Variants in PCDHA8 observed in about 807,000 individuals in gnomAD.
PCDHA8 encodes protocadherin alpha 8, also known as protocadherin alpha-8.
In PCDHA8, 53 loss-of-function variants were observed where a neutral mutation model predicts 61.8. The ratio of observed to expected loss-of-function variants is 0.86; its 90% CI spans 0.69 to 1.08. PCDHA8 has a LOEUF of 1.08. PCDHA8 is among the 50% of genes least tolerant of loss of function. The probability of loss-of-function intolerance (pLI) is 0.00; values close to 1 mark genes in which losing one functional copy is unlikely to be tolerated. For synonymous variants in PCDHA8, 618 were observed against 556.6 expected, an observed-to-expected ratio of 1.11 and a Z score of -1.55; for missense variants, 1,293 against 1,245.0, an observed-to-expected ratio of 1.04 and a Z score of -0.58.
intron 1 of PCDHA8, chr5:140,881,486 T>G: frequency 2.8e-6 from 1 of 355,652 alleles, no homozygotes; most frequent in African/African-American, 2.2e-5. Flanking sequence ...ATTATTGTGT[T>G]TATGCACATA....
intron 1 of PCDHA8, among the ~76,000 whole-genome samples, chr5:140,909,493 G>T (rs989826667): frequency 6.6e-6 from 1 of 152,184 alleles, no homozygotes; most frequent in African/African-American, 2.4e-5. Context: ...AGAGCTGAAC[G>T]GGGATGTGGT....
intron 1 of PCDHA8, chr5:140,863,365 G>A (rs2047972870): frequency 2.5e-6 from 3 of 1,201,540 alleles, no homozygotes; most frequent in South Asian, 2.4e-5. Flanking sequence ...GCGGTGCTTG[G>A]CGCAGCTCAC....
intron 1 of PCDHA8, chr5:140,862,812 C>G (rs782335970): frequency 1.7e-6 from 1 of 572,078 alleles, no homozygotes; most frequent in Non-Finnish European, 3.4e-6. Context: ...TGCTGCAGTT[C>G]TAGGTGAGAG....
At chr5:140,949,167 T>C (rs2094348737) in intron 1 of PCDHA8, among the ~76,000 whole-genome samples, 1 of 151,798 alleles carries the variant, frequency 6.6e-6, no homozygotes, top group Admixed American at 6.6e-5. Flanking sequence ...AATTCTCTTT[T>C]GGTCAGAGAA....
chr5:140,847,536 G>C (rs1162683759), intron 1 of PCDHA8: 1 of 149,444 alleles, frequency 6.7e-6, no homozygotes, highest in Non-Finnish European at 1.5e-5. Context: ...AGAATCTCAA[G>C]CATAGCTTTA....
In PCDHA8 at chr5:140,858,048, C is replaced by G. The variant is rs1203574330; in HGVS notation, c.2394+14333C>G. 9.4e-6 allele frequency: 15 copies of G among 1,597,302 alleles called. 2 individuals carry two copies. Among genetic ancestry groups the G allele is most frequent in the Non-Finnish European group, 1.2e-5 (14 of 1,167,436 alleles). On this transcript the variant is annotated intron_variant, in intron 1 of 3. Transcript: ENST00000531613. ...ACGGCCACGGCCACTGTGCTTGTGT[C>G]GCTTGTGGAGGGCAGCCAGGCACCC...
intron 3 of PCDHA8, among the ~76,000 whole-genome samples, chr5:140,984,789 A>G (rs2097121266): frequency 6.6e-6 from 1 of 152,202 alleles, no homozygotes; most frequent in African/African-American, 2.4e-5. Context: ...GGGTGAGCAT[A>G]GACAAACTGC....
chr5:140,968,511 C>T, intron 1 of PCDHA8: 2 of 1,614,198 alleles, frequency 1.2e-6, no homozygotes, highest in Non-Finnish European at 1.7e-6. Context: ...ATTCTGTACC[C>T]TACCTCAACC....
chr5:140,863,171 C>T (rs782749533), intron 1 of PCDHA8: 11 of 696,670 alleles, frequency 1.6e-5, no homozygotes, highest in Non-Finnish European at 2.8e-5. Flanking sequence ...CTGGCGCTGA[C>T]TGCCACCGTC....
At chr5:140,944,219 A>G (rs191111426) in intron 1 of PCDHA8, among the ~76,000 whole-genome samples, 202 of 152,176 alleles carry the variant, frequency 1.3e-3, no homozygotes, top group Non-Finnish European at 2.3e-3. Context: ...AGAGGGTTTT[A>G]CTCTGTCGCT....
intron 3 of PCDHA8, among the ~76,000 whole-genome samples, chr5:140,995,400 C>T (rs2097681723): frequency 6.6e-6 from 1 of 152,062 alleles, no homozygotes; most frequent in Admixed American, 6.6e-5. Flanking sequence ...CGGGATGGCT[C>T]GAGATTTCAT....
chr5:140,961,599 G>A (rs1012408317), intron 1 of PCDHA8, among the ~76,000 whole-genome samples: 3 of 152,062 alleles, frequency 2.0e-5, no homozygotes, highest in Non-Finnish European at 4.4e-5. Flanking sequence ...AATGATTCTA[G>A]TAAATGAAAC....
intron 1 of PCDHA8, chr5:140,966,244 G>C (rs1302762597): frequency 3.2e-6 from 1 of 315,708 alleles, no homozygotes; most frequent in Non-Finnish European, 5.7e-6. Context: ...CGTTAAGCAG[G>C]GGAGAGACGG....
At chr5:140,863,090 C>G (rs782806970) in intron 1 of PCDHA8, 1 of 575,070 alleles carries the variant, frequency 1.7e-6, no homozygotes, top group African/African-American at 1.9e-5. Flanking sequence ...GAGATCAGCA[C>G]GACGAGTACC....
intron 1 of PCDHA8, among the ~76,000 whole-genome samples, chr5:140,892,929 C>T (rs1259333006): frequency 2.6e-5 from 4 of 152,174 alleles, no homozygotes; most frequent in Non-Finnish European, 5.9e-5. Flanking sequence ...TTCCCAGCCT[C>T]TGATAAGCAC....
chr5:140,944,710 T>C (rs564606677), intron 1 of PCDHA8, among the ~76,000 whole-genome samples: 1 of 152,300 alleles, frequency 6.6e-6, no homozygotes, highest in East Asian at 1.9e-4. Flanking sequence ...TCAGGTTATT[T>C]TGCCTTTGAA....
At chr5:140,968,841 A>G in intron 1 of PCDHA8, 1 of 1,614,222 alleles carries the variant, frequency 6.2e-7, no homozygotes, top group Middle Eastern at 1.6e-4. Context: ...CCTGACACTC[A>G]GAGGCATGTT....
intron 1 of PCDHA8, among the ~76,000 whole-genome samples, chr5:140,964,638 A>T (rs1402541821): frequency 3.9e-5 from 6 of 152,098 alleles, no homozygotes; most frequent in Admixed American, 2.0e-4. Context: ...ATTTATTTTC[A>T]GAAACAAGTA....
At chr5:140,933,773 A>G (rs2089413998) in intron 1 of PCDHA8, among the ~76,000 whole-genome samples, 1 of 152,040 alleles carries the variant, frequency 6.6e-6, no homozygotes, top group South Asian at 2.1e-4. Context: ...CTGTACCTAC[A>G]GTTTTCTTTG....
Sources: gnomAD v4.1 joint callset for allele counts (sites outside exome capture counted in the v4.1 genomes callset) on GRCh38, gnomAD v4.1.1 for gene constraint, MANE v1.5 for transcripts, NCBI Gene and HGNC (gene_info 2026-07-23, HGNC 2026-07-21) for gene names.